Variants in HMCN2 observed in about 807,000 individuals in gnomAD.
HMCN2 encodes the protein hemicentin 2.
Under a neutral mutation model 377.5 loss-of-function variants are expected in HMCN2, and 325 were observed. The ratio of observed to expected loss-of-function variants is 0.86; its 90% CI spans 0.79 to 0.94. HMCN2 has a LOEUF of 0.94. Ranked by LOEUF, HMCN2 falls within the 40% of genes least tolerant of loss-of-function variation. HMCN2 has a pLI of 0.00. For missense variants in HMCN2, 4,543 were observed against 4,725.3 expected (o/e 0.96, Z 1.13); for synonymous variants, 2,007 against 2,046.8 (o/e 0.98, Z 0.53).
chr9:130,357,834 A>G lies in HMCN2; in HGVS notation c.5426A>G (p.Glu1809Gly), dbSNP rs1261227165. ...AGAEVEVSVHEFPSVSIIGGE... is the reference protein window; with the variant it reads ...AGAEVEVSVHGFPSVSIIGGE... ...TCTTCCTGACTCTTTCCCTTCCCAG[A>G]GTTCCCATCGGTCAGTATCATTGGG... The change falls in exon 35 of 98, where the codon GAG becomes GGG. Residue 1809 changes from glutamate (E) to glycine (G), a missense_variant and splice_region_variant. By Grantham distance (98) the Glu-to-Gly change is moderately conservative. Transcript: ENST00000683500. The G allele has an allele frequency of 7.7e-7, 1 of 1,301,908 alleles. No individual in the cohort carries two copies. Among genetic ancestry groups the G allele is most frequent in the Non-Finnish European group, 1.0e-6 (1 of 987,460 alleles). 80.6% of individuals were successfully genotyped at this position (1,301,908 alleles called of 1,614,324 possible).
Position 130,360,626 on chromosome 9 carries a change from A to T in HMCN2, c.5950+22A>T. ...AATGGTGAGCTTCCCTGGGCCTACA[A>T]GGTCCCTTGTCCAAAAAGTTGTCTT... On this transcript the variant is annotated intron_variant, in intron 38 of 97. Transcript: ENST00000683500. The surrounding 1 kb of genome is among the most constrained non-coding windows in gnomAD (Gnocchi z 4.7). 1 of 1,264,834 alleles carries T rather than the reference A, an allele frequency of 7.9e-7. No individual in the cohort carries two copies. Among genetic ancestry groups the T allele is most frequent in the Non-Finnish European group, 1.0e-6 (1 of 965,234 alleles). The allele number at this position is 1,264,834 out of a possible 1,614,324, so 78.4% of individuals were successfully genotyped here.
In HMCN2 at chr9:130,390,962, C is replaced by A; in HGVS notation, c.9524-15C>A. The A allele has an allele frequency of 1.0e-6, 1 of 986,430 alleles. No individual in the cohort carries two copies. 61.1% of individuals were successfully genotyped at this position (986,430 alleles called of 1,614,324 possible). ...GAAGGGGCTGGGGGATTCAGGGGAC[C>A]CCTCTGTCCCACAGAGAGCAGCGCG... On this transcript the variant is annotated splice_polypyrimidine_tract_variant and intron_variant, in intron 62 of 97. Coordinates refer to ENST00000683500, the MANE Select transcript of HMCN2 (RefSeq NM_001291815.2).
At chr9:130,337,524 C>A (rs1838817929) in intron 22 of HMCN2, among the ~76,000 whole-genome samples, 1 of 152,080 alleles carries the variant, frequency 6.6e-6, no homozygotes, top group Non-Finnish European at 1.5e-5. Flanking sequence ...GTGATAGACT[C>A]CGTTTACCAG....
intron 80 of HMCN2, among the ~76,000 whole-genome samples, chr9:130,404,452 A>C (rs1163185762): frequency 1.3e-5 from 2 of 152,172 alleles, no homozygotes; most frequent in African/African-American, 4.8e-5. Context: ...CAGACCAGCC[A>C]GACACCAAGC....
At chr9:130,348,407 T>C in intron 26 of HMCN2, 138 bp from the exon 27 acceptor site, 2 of 1,208,578 alleles carry the variant, frequency 1.7e-6, no homozygotes, top group Non-Finnish European at 1.1e-6. Flanking sequence ...ACAGGACCCT[T>C]TGTGGCTGGG....
chr9:130,433,022 C>A, intron 97 of HMCN2: 1 of 402,114 alleles, frequency 2.5e-6, no homozygotes, highest in East Asian at 4.2e-5. Flanking sequence ...CCCGCCCCCG[C>A]AGGGCAAATC....
In HMCN2 at chr9:130,400,802, T is replaced by C. The variant is rs1049079980; in HGVS notation, c.11625T>C (p.Asp3875=). The C allele has an allele frequency of 1.6e-6, 2 of 1,288,028 alleles. No individual in the cohort carries two copies. Among genetic ancestry groups the C allele is most frequent in the Non-Finnish European group, 2.0e-6 (2 of 988,082 alleles). The allele number at this position is 1,288,028 out of a possible 1,614,324, so 79.8% of individuals were successfully genotyped here. The change falls in exon 77 of 98, where the codon GAT becomes GAC. Residue 3875 remains aspartate (D), a synonymous_variant. Coordinates refer to ENST00000683500, the MANE Select transcript of HMCN2 (RefSeq NM_001291815.2). ...TTTTAGTGCCTCCCACCATTGCCGA[T>C]GACCAGACAGACTTCACCGTGACCA... ...VTVHVPPTIA[D]DQTDFTVTMM...
In HMCN2 at chr9:130,410,638, T is replaced by C; in HGVS notation, c.12947T>C (p.Ile4316Thr). Reference protein sequence around the residue: ...NEMGVAKKVVILVLQSAPVFQ... With the variant: ...NEMGVAKKVVTLVLQSAPVFQ... ...ATGGGCGTGGCGAAGAAAGTGGTGA[T>C]CCTCGTCCTGCAGAGTGAGTCTCGG... Residue 4316 changes from isoleucine to threonine, a missense_variant, in exon 85 of 98, where the codon ATC becomes ACC. Physicochemically the swap from Ile to Thr is moderately conservative, Grantham distance 89 (BLOSUM62 -1). Coordinates refer to ENST00000683500, the MANE Select transcript of HMCN2 (RefSeq NM_001291815.2). 6.4e-7 allele frequency: 1 copy of C among 1,550,580 alleles called. No homozygotes were observed. Among genetic ancestry groups the C allele is most frequent in the Non-Finnish European group, 8.7e-7 (1 of 1,146,976 alleles).
intron 19 of HMCN2, 94 bp from the exon 20 acceptor site, chr9:130,325,501 A>G (rs1375703486): frequency 1.3e-5 from 2 of 152,234 alleles, no homozygotes; most frequent in African/African-American, 2.4e-5. Flanking sequence ...GTGCCCATGC[A>G]TCGCTGATGG....
chr9:130,428,429 T>C lies in HMCN2; in HGVS notation c.14137T>C (p.Tyr4713His). The C allele has an allele frequency of 6.5e-7, 1 of 1,546,848 alleles. No homozygotes were observed. Among genetic ancestry groups the C allele is most frequent in the East Asian group, 2.4e-5 (1 of 40,916 alleles). The stretch of plus-strand genomic sequence containing the variant: ...GCGCTGTGTGAACCTGCTCGGGTCC[T>C]ACCGCTGCCTCCCCGACTGTGGGCC... ...GQRCVNLLGSYRCLPDCGPGF... is the reference protein window; with the variant it reads ...GQRCVNLLGSHRCLPDCGPGF... The change falls in exon 93 of 98, where the codon TAC becomes CAC. Residue 4713 changes from tyrosine to histidine, a missense_variant. Around this residue, in one of 5 missense-constraint regions of HMCN2, gnomAD observed 1,155 missense variants for 1,157.7 expected, o/e 1.00. Transcript: ENST00000683500. The surrounding 1 kb of genome is among the most constrained non-coding windows in gnomAD (Gnocchi z 5.0).
chr9:130,358,189 G>C (rs552507737), intron 35 of HMCN2, among the ~76,000 whole-genome samples: 25 of 152,324 alleles, frequency 1.6e-4, no homozygotes, highest in Admixed American at 5.9e-4. Context: ...ATGTCAGTGG[G>C]GGGGACAGGG....
intron 43 of HMCN2, among the ~76,000 whole-genome samples, chr9:130,366,361 T>G (rs773656100): frequency 1.3e-5 from 2 of 151,990 alleles, no homozygotes; most frequent in Middle Eastern, 3.2e-3. Context: ...TGCTCCTCCA[T>G]TAGTCTGTGA....
rs769556003 is a variant in HMCN2, at chr9:130,425,922, C to A, written c.13877C>A (p.Ala4626Glu). Residue 4626 changes from alanine (A) to glutamate (E), a missense_variant and splice_region_variant, in exon 90 of 98, where the codon GCG becomes GAG. Ala to Glu is a moderately radical substitution (Grantham distance 107, BLOSUM62 -1). Coordinates refer to ENST00000683500, the MANE Select transcript of HMCN2 (RefSeq NM_001291815.2). ...TTCCAGCTCGCTACAGCCCTGCAGG[C>A]GGGTGAGGCCCCTCTGCTTTGTTCC... ...LRFQLATALQ[A>E]EENEVGCPEG... 4 of 1,544,952 alleles carry A rather than the reference C, an allele frequency of 2.6e-6. No individual in the cohort carries two copies. The highest frequency in any genetic ancestry group is 2.0e-5 in the Admixed American group (1 of 50,898).
intron 22 of HMCN2, among the ~76,000 whole-genome samples, chr9:130,337,433 G>C (rs917657900): frequency 2.6e-5 from 4 of 152,166 alleles, no homozygotes; most frequent in Non-Finnish European, 5.9e-5. Flanking sequence ...GGGCAGGTGT[G>C]TGTGGCAGAG....
intron 1 of HMCN2, among the ~76,000 whole-genome samples, chr9:130,281,648 C>T (rs949226696): frequency 1.3e-5 from 2 of 150,704 alleles, no homozygotes; most frequent in African/African-American, 4.9e-5. Context: ...AATCGCAGCA[C>T]TTTGGGAGGC....
At chr9:130,274,585 A>G (rs977986873) in intron 1 of HMCN2, among the ~76,000 whole-genome samples, 3 of 152,084 alleles carry the variant, frequency 2.0e-5, no homozygotes, top group Non-Finnish European at 2.9e-5. Context: ...TCCCTTCAAG[A>G]ATCTCAAAAT....
At chr9:130,425,651 A>T (rs758344806) in intron 89 of HMCN2, 36 bp from the exon 90 acceptor site, 79 of 435,754 alleles carry the variant, frequency 1.8e-4, no homozygotes, top group Non-Finnish European at 2.8e-4. Flanking sequence ...CCTCTCCCCC[A>T]CCCCTCCTCC....
At position 130,394,530 on chromosome 9, in the gene HMCN2, G is replaced by T; in HGVS notation, c.10647G>T (p.Glu3549Asp). The T allele has an allele frequency of 7.8e-7, 1 of 1,289,706 alleles. No individual in the cohort carries two copies. The highest frequency in any genetic ancestry group is 1.2e-5 in the South Asian group (1 of 81,006). The allele number at this position is 1,289,706 out of a possible 1,614,324, so 79.9% of individuals were successfully genotyped here. A position where few individuals can be genotyped will look rare whatever the true frequency, so the allele number is the denominator to read the frequency against. Reference sequence around the variant, plus strand: ...ACGGGCAGGCCCTGACCAGGCTGGAGAACAACAGCAGAGCCACACGGGTGC... The same window carrying T: ...ACGGGCAGGCCCTGACCAGGCTGGATAACAACAGCAGAGCCACACGGGTGC... ...HKDGQALTRL[E>D]NNSRATRVLR... Residue 3549 changes from glutamate to aspartate, a missense_variant, in exon 69 of 98, where the codon GAG (glutamate) becomes GAT (aspartate). Glu to Asp is a conservative substitution (Grantham distance 45, BLOSUM62 2). Coordinates refer to ENST00000683500, the MANE Select transcript of HMCN2 (RefSeq NM_001291815.2). This position sits in a 1 kb window ranked among gnomAD's most constrained non-coding sequence, Gnocchi z 5.1.
Position 130,425,023 on chromosome 9 carries a change from A to G in HMCN2, c.13534A>G (p.Met4512Val), listed in dbSNP as rs1411405543. 3.9e-6 allele frequency: 6 copies of G among 1,548,122 alleles called. No homozygotes were observed. The African/African-American group carries it at 8.2e-5, about 21-fold the overall frequency. Residue 4512 changes from methionine (M) to valine (V), a missense_variant, in exon 89 of 98, where the codon ATG becomes GTG. Met to Val is a conservative substitution (Grantham distance 21, BLOSUM62 1). Coordinates refer to ENST00000683500, the MANE Select transcript of HMCN2 (RefSeq NM_001291815.2). ...VEFATGELLT[M>V]TQVARGLDPD... ...ATGGTTTGCAGGGGAGCTGCTCACGATGACCCAGGTGGCCCGGGGTCTGGA... is the reference window on the plus strand; with the variant it reads ...ATGGTTTGCAGGGGAGCTGCTCACGGTGACCCAGGTGGCCCGGGGTCTGGA...
Sources: gnomAD v4.1 joint callset for allele counts (sites outside exome capture counted in the v4.1 genomes callset) on GRCh38, gnomAD v4.1.1 for gene constraint, gnomAD v4.1.1 regional missense constraint, Gnocchi (gnomAD v3.1) non-coding constraint, MANE v1.5 for transcripts, NCBI Gene and HGNC (gene_info 2026-07-23, HGNC 2026-07-21) for gene names.